TRPM3: variants seen among roughly 807,000 people sequenced by gnomAD.
TRPM3 encodes the protein transient receptor potential cation channel subfamily M member 3, also known as long transient receptor potential channel 3.
TRPM3 carries 77 observed loss-of-function variants against 181.2 expected under a neutral mutation model. That is an observed-to-expected ratio of 0.42 (90% confidence interval 0.35 to 0.51). The LOEUF is 0.51. Among genes scored for constraint, TRPM3 ranks in the 20% least tolerant of loss-of-function variants. TRPM3 has a pLI of 0.01. For synonymous variants in TRPM3, 745 were observed against 796.4 expected (o/e 0.94, Z 1.09); for missense variants, 1,759 against 2,196.7 (o/e 0.80, Z 3.98).
chr9:71,085,924 T>C (rs2065182774), intron 1 of TRPM3, among the ~76,000 whole-genome samples: 1 of 151,954 alleles, frequency 6.6e-6, no homozygotes, highest in Non-Finnish European at 1.5e-5. Context: ...CTAATCACAA[T>C]AGCAAAGACA....
intron 1 of TRPM3, among the ~76,000 whole-genome samples, chr9:71,173,828 A>G (rs1269399223): frequency 4.6e-5 from 7 of 152,232 alleles, no homozygotes; most frequent in Admixed American, 4.6e-4. Flanking sequence ...TTATTTCTTG[A>G]AACAACTGTT....
intron 21 of TRPM3, among the ~76,000 whole-genome samples, chr9:70,592,122 A>G (rs559388397): frequency 1.3e-5 from 2 of 152,314 alleles, no homozygotes; most frequent in East Asian, 3.9e-4. Context: ...TATTAAATAG[A>G]TGAGGATGCA....
intron 11 of TRPM3, among the ~76,000 whole-genome samples, chr9:70,636,696 T>TTC (rs1354963416): frequency 1.3e-4 from 20 of 151,302 alleles, no homozygotes; most frequent in Non-Finnish European, 2.4e-4. Context: ...TGATGGCTTT[T>TTC]TTTTTTTTTT....
chr9:70,614,634 A>G (rs2062501825), intron 18 of TRPM3, among the ~76,000 whole-genome samples: 1 of 152,198 alleles, frequency 6.6e-6, no homozygotes, highest in South Asian at 2.1e-4. Context: ...CCAGTCTCCA[A>G]TATAAGTAGT....
At chr9:71,180,046 CCTT>C (rs1005639474) in intron 1 of TRPM3, among the ~76,000 whole-genome samples, 3 of 101,918 alleles carry the variant, frequency 2.9e-5, no homozygotes, top group Admixed American at 1.1e-4. Flanking sequence ...TATCATACAT[CCTT>C]CTTTTTTTTT....
rs374709512 is a variant in TRPM3, at chr9:71,388,389, A to C, written c.183+58264T>G. 3.9e-5 allele frequency among the ~76,000 whole-genome samples: 6 copies of C among 152,290 alleles called. No individual in the cohort carries two copies. In the East Asian group the frequency reaches 9.6e-4, roughly 24 times the overall value. ...AAAGATTTAAAATAAAAATGTAAAA[A>C]GTGAGAAGAAAAATTTGCCACAAAT... On this transcript the variant is annotated intron_variant, in intron 1 of 24. Coordinates refer to the TRPM3 transcript ENST00000357533.
intron 1 of TRPM3, among the ~76,000 whole-genome samples, chr9:71,439,970 A>C (rs1439309417): frequency 6.6e-6 from 1 of 152,042 alleles, no homozygotes; most frequent in East Asian, 1.9e-4. Flanking sequence ...AAATATTAAA[A>C]AAATTAGCCG....
chr9:70,683,473 TCATTA>T (rs2066003075), intron 8 of TRPM3, among the ~76,000 whole-genome samples: 3 of 128,910 alleles, frequency 2.3e-5, no homozygotes, highest in African/African-American at 2.8e-5. Flanking sequence ...AGATGGGGTT[TCATTA>T]TGTTGCCCAG....
intron 1 of TRPM3, among the ~76,000 whole-genome samples, chr9:71,046,884 T>C (rs1028216129): frequency 1.3e-5 from 2 of 152,202 alleles, no homozygotes; most frequent in Non-Finnish European, 2.9e-5. Flanking sequence ...TTGTGTTCCA[T>C]TGTTTTTTTC....
chr9:71,347,829 A>C (rs2091382715), intron 1 of TRPM3, among the ~76,000 whole-genome samples: 2 of 152,100 alleles, frequency 1.3e-5, no homozygotes, highest in Non-Finnish European at 2.9e-5. Flanking sequence ...AAAACTTTTA[A>C]ATTAAAATTG....
At chr9:71,041,469 A>G (rs879548608) in intron 1 of TRPM3, among the ~76,000 whole-genome samples, 13 of 152,178 alleles carry the variant, frequency 8.5e-5, no homozygotes, top group Admixed American at 8.5e-4. Context: ...GAGAGGTACA[A>G]CATATCAGTG....
chr9:70,895,651 C>T (rs139013616), intron 1 of TRPM3, among the ~76,000 whole-genome samples: 39 of 152,178 alleles, frequency 2.6e-4, no homozygotes, highest in Admixed American at 2.0e-3. Flanking sequence ...ATTAGAAATA[C>T]CATTTTCAAT....
At chr9:71,392,646 C>G (rs1694167145) in intron 1 of TRPM3, among the ~76,000 whole-genome samples, 1 of 152,086 alleles carries the variant, frequency 6.6e-6, no homozygotes, top group Non-Finnish European at 1.5e-5. Flanking sequence ...TTATCACTCT[C>G]TTCTCTCAGA....
chr9:70,869,726 A>G (rs551733575), intron 1 of TRPM3, among the ~76,000 whole-genome samples: 1 of 152,076 alleles, frequency 6.6e-6, no homozygotes, highest in East Asian at 2.0e-4. Flanking sequence ...ATGATTAGAA[A>G]CCTACAGTCC....
chr9:71,011,898 A>C (rs2097747267), intron 1 of TRPM3, among the ~76,000 whole-genome samples: 1 of 150,370 alleles, frequency 6.7e-6, no homozygotes. Context: ...CTTCCACCTC[A>C]GCCGCCCGAG....
At chr9:71,330,920 T>A (rs989465850) in intron 1 of TRPM3, among the ~76,000 whole-genome samples, 1 of 151,840 alleles carries the variant, frequency 6.6e-6, no homozygotes, top group African/African-American at 2.4e-5. Context: ...CTGGCCTAGA[T>A]ACGTCTCCAT....
intron 22 of TRPM3, among the ~76,000 whole-genome samples, chr9:70,562,609 T>C (rs1399259422): frequency 1.8e-5 from 2 of 111,134 alleles, no homozygotes; most frequent in Non-Finnish European, 3.7e-5. Flanking sequence ...ATGTTGTGTG[T>C]GTGTTGGGCA....
intron 12 of TRPM3, among the ~76,000 whole-genome samples, chr9:70,631,359 GCCT>G (rs1334711042): frequency 7.7e-6 from 1 of 130,310 alleles, no homozygotes; most frequent in Non-Finnish European, 1.6e-5. Flanking sequence ...TGTCTGAAAT[GCCT>G]TTTTTTTTTT....
In TRPM3 at chr9:71,060,332, A is replaced by G. The variant is rs540661288; in HGVS notation, c.177+60846T>C. ...CTGGACAGTTTCAAGACCACAGCTA[A>G]CATTTCTCAGCATTTCCTTTGCACC... On this transcript the variant is annotated intron_variant, in intron 1 of 25. Transcript: ENST00000677713. Among the ~76,000 whole-genome samples the G allele has an allele frequency of 3.3e-5, 5 of 152,236 alleles. No homozygotes were observed. The East Asian group carries it at 5.8e-4, about 18-fold the overall frequency.
Sources: gnomAD v4.1 joint callset for allele counts (sites outside exome capture counted in the v4.1 genomes callset) on GRCh38, gnomAD v4.1.1 for gene constraint, MANE v1.5 for transcripts, NCBI Gene and HGNC (gene_info 2026-07-23, HGNC 2026-07-21) for gene names.